The following CDH18 variants were observed in gnomAD, a reference collection of about 807,000 sequenced individuals.
CDH18 encodes the protein cadherin-18.
CDH18 carries 31 observed loss-of-function variants against 67.9 expected under a neutral mutation model. The observed-to-expected ratio is 0.46, with a 90% CI of 0.34 to 0.62. The LOEUF is 0.62. CDH18 is among the 20% of genes least tolerant of loss of function. CDH18 has a pLI of 0.01. For missense variants in CDH18, 890 were observed against 975.5 expected (o/e 0.91, Z 1.17); for synonymous variants, 362 against 347.2 (o/e 1.04, Z -0.48).
chr5:19,695,479 T>C (rs1432799069), intron 5 of CDH18, among the ~76,000 whole-genome samples: 1 of 152,200 alleles, frequency 6.6e-6, no homozygotes, highest in African/African-American at 2.4e-5. Flanking sequence ...CTACTTTATG[T>C]AAAATTTAGA....
At chr5:19,989,831 T>A (rs1400725443), upstream of CDH18, among the ~76,000 whole-genome samples, 1 of 152,154 alleles carries the variant, frequency 6.6e-6, no homozygotes, top group Non-Finnish European at 1.5e-5. Flanking sequence ...AGAACAGGAA[T>A]TGAATTATTT....
At position 19,866,538 on chromosome 5, in the gene CDH18, G is replaced by A. The variant is rs570623004; in HGVS notation, c.-256-27296C>T. ...GATGAAGAAAGCAAGAAGGCGTGGC[G>A]AACCTATCTGGTACGAAGTAAGTAG... On this transcript the variant is annotated intron_variant, in intron 2 of 12. Coordinates refer to ENST00000382275, the MANE Select transcript of CDH18 (RefSeq NM_004934.5). Among the ~76,000 whole-genome samples the A allele has an allele frequency of 3.9e-5, 6 of 152,284 alleles. No individual in the cohort carries two copies. In the South Asian group the frequency reaches 8.3e-4, roughly 21 times the overall value.
intron 1 of CDH18, among the ~76,000 whole-genome samples, chr5:20,422,601 A>G (rs1747949330): frequency 6.6e-6 from 1 of 151,076 alleles, no homozygotes; most frequent in Admixed American, 6.6e-5. Flanking sequence ...GTTTTTACAT[A>G]ACAATAAAAA....
chr5:20,000,723 G>A (rs1736377844), intron 2 of CDH18, among the ~76,000 whole-genome samples: 1 of 151,700 alleles, frequency 6.6e-6, no homozygotes, highest in Admixed American at 6.6e-5. Context: ...ATGGATGAGA[G>A]GAAAGTTTCT....
intron 11 of CDH18, among the ~76,000 whole-genome samples, chr5:19,496,811 CAA>C (rs777601146): frequency 5.9e-4 from 44 of 75,202 alleles, no homozygotes; most frequent in African/African-American, 2.0e-3. Context: ...GACTCCATCT[CAA>C]AAAAAAAAAA....
At chr5:19,723,278 A>T (rs1766355517) in intron 4 of CDH18, among the ~76,000 whole-genome samples, 2 of 152,166 alleles carry the variant, frequency 1.3e-5, no homozygotes, top group Non-Finnish European at 2.9e-5. Flanking sequence ...TCAAAAAAAA[A>T]AAGAAAGAAA....
intron 1 of CDH18, among the ~76,000 whole-genome samples, chr5:20,384,959 C>A (rs1405343886): frequency 6.6e-6 from 1 of 152,036 alleles, no homozygotes; most frequent in Non-Finnish European, 1.5e-5. Context: ...GCCTCAGTCT[C>A]CAGAGCAACT....
rs371590416 is a variant in CDH18, at chr5:19,747,057, G to C, written c.408C>G (p.Asn136Lys). 2.5e-6 allele frequency: 4 copies of C among 1,614,000 alleles called. No homozygotes were observed. In the African/African-American group the frequency reaches 5.3e-5, roughly 22 times the overall value. ...LHAQAIDRRT[N>K]KPLEPESEFI... ...ACTCGGATTCAGGCTCAAGAGGTTT[G>C]TTTGTACGTCTATCAATAGCTTGAG... is the stretch of plus-strand genomic sequence containing the variant. Residue 136 changes from asparagine to lysine, a missense_variant, in exon 4 of 13, where the codon AAC becomes AAG. Coordinates refer to ENST00000382275, the MANE Select transcript of CDH18 (RefSeq NM_004934.5).
At chr5:19,774,531 G>A (rs1774093249) in intron 3 of CDH18, among the ~76,000 whole-genome samples, 1 of 151,316 alleles carries the variant, frequency 6.6e-6, no homozygotes, top group Admixed American at 6.6e-5. Context: ...GCTTATGAAA[G>A]GGACCTCAGT....
intron 2 of CDH18, among the ~76,000 whole-genome samples, chr5:20,198,698 C>G (rs557056423): frequency 1.3e-5 from 2 of 152,130 alleles, no homozygotes; most frequent in Non-Finnish European, 2.9e-5. Context: ...GTCTCCAGGG[C>G]ATGTCAGAGG....
chr5:19,959,579 A>G (rs539818340), intron 2 of CDH18, among the ~76,000 whole-genome samples: 3 of 152,218 alleles, frequency 2.0e-5, no homozygotes, highest in African/African-American at 7.2e-5. Context: ...ATTGTTTGAT[A>G]ATTTAGATTA....
At chr5:20,448,070 A>G (rs1750146255) in intron 1 of CDH18, among the ~76,000 whole-genome samples, 1 of 151,328 alleles carries the variant, frequency 6.6e-6, no homozygotes, top group Non-Finnish European at 1.5e-5. Context: ...ACCCCACAAC[A>G]GGCCCTGGTG....
chr5:20,339,319 T>A (rs1740049008), intron 1 of CDH18, among the ~76,000 whole-genome samples: 1 of 152,108 alleles, frequency 6.6e-6, no homozygotes. Flanking sequence ...AAGTATTAAT[T>A]TTAACACCAT....
chr5:19,583,911 G>A (rs1345010204), intron 7 of CDH18, among the ~76,000 whole-genome samples: 1 of 152,034 alleles, frequency 6.6e-6, no homozygotes, highest in Non-Finnish European at 1.5e-5. Flanking sequence ...AAATTTTTTG[G>A]CTTAAGTTAA....
chr5:20,416,709 TAG>T (rs1747339387), intron 1 of CDH18, among the ~76,000 whole-genome samples: 1 of 152,064 alleles, frequency 6.6e-6, no homozygotes, highest in African/African-American at 2.4e-5. Flanking sequence ...TCATGGAACA[TAG>T]AGTCTTGAAT....
intron 1 of CDH18, among the ~76,000 whole-genome samples, chr5:20,360,641 A>G (rs1390176161): frequency 6.6e-6 from 1 of 152,192 alleles, no homozygotes; most frequent in African/African-American, 2.4e-5. Flanking sequence ...CTTCATCACA[A>G]TAGTTGGGTG....
intron 1 of CDH18, among the ~76,000 whole-genome samples, chr5:20,401,329 A>G (rs1745755623): frequency 6.6e-6 from 1 of 152,210 alleles, no homozygotes. Context: ...AACTCTATAG[A>G]TTTATAAGAT....
At chr5:20,470,029 T>C (rs1173145790) in intron 1 of CDH18, among the ~76,000 whole-genome samples, 2 of 152,038 alleles carry the variant, frequency 1.3e-5, no homozygotes, top group African/African-American at 4.8e-5. Flanking sequence ...TCCTCCACCA[T>C]CTCAATTTCA....
chr5:20,270,126 A>G (rs945985949), intron 1 of CDH18, among the ~76,000 whole-genome samples: 10 of 151,744 alleles, frequency 6.6e-5, no homozygotes, highest in Non-Finnish European at 1.2e-4. Context: ...AAAAGTAAAA[A>G]TAAATAAAAT....
Sources: gnomAD v4.1 joint callset for allele counts (sites outside exome capture counted in the v4.1 genomes callset) on GRCh38, gnomAD v4.1.1 for gene constraint, MANE v1.5 for transcripts, NCBI Gene and HGNC (gene_info 2026-07-23, HGNC 2026-07-21) for gene names.